Variants in ADARB2 observed in about 807,000 individuals in gnomAD.
ADARB2 encodes the protein adenosine deaminase RNA specific B2 (inactive).
In ADARB2, 25 loss-of-function variants were observed where a neutral mutation model predicts 62.2. The ratio of observed to expected loss-of-function variants is 0.40; its 90% CI spans 0.29 to 0.56. The LOEUF is 0.56. Ranked by LOEUF, ADARB2 falls within the 20% of genes least tolerant of loss-of-function variation. The pLI is 0.43. For synonymous variants in ADARB2, 572 were observed against 500.8 expected (o/e 1.14, Z -1.90); for missense variants, 1,071 against 1,077.4 (o/e 0.99, Z 0.08).
At chr10:1,543,225 C>A (rs898710539) in intron 1 of ADARB2, among the ~76,000 whole-genome samples, 31 of 152,196 alleles carry the variant, frequency 2.0e-4, no homozygotes, top group Admixed American at 6.5e-5. Context: ...GCGTCCTGCC[C>A]GCCCTCCTCT....
chr10:1,601,887 G>A (rs76560162), intron 1 of ADARB2, among the ~76,000 whole-genome samples: 2,155 of 152,300 alleles, frequency 0.014, 92 homozygotes, highest in East Asian at 0.12. Context: ...AAAAGCAAAA[G>A]CATTGAATGT....
intron 1 of ADARB2, among the ~76,000 whole-genome samples, chr10:1,733,644 A>C (rs1037614241): frequency 6.6e-6 from 1 of 152,010 alleles, no homozygotes; most frequent in African/African-American, 2.4e-5. Flanking sequence ...AACAAAAAAA[A>C]CCCTTTTTCT....
chr10:1,283,401 A>C (rs1018490726), intron 3 of ADARB2, among the ~76,000 whole-genome samples: 1 of 152,198 alleles, frequency 6.6e-6, no homozygotes, highest in African/African-American at 2.4e-5. Context: ...AATGATCTCT[A>C]TATTTGTTAA....
intron 1 of ADARB2, among the ~76,000 whole-genome samples, chr10:1,475,965 T>G (rs141841976): frequency 6.6e-6 from 1 of 152,326 alleles, no homozygotes; most frequent in Non-Finnish European, 1.5e-5. Flanking sequence ...GTCTTTTGTC[T>G]TGGAGACAGT....
intron 3 of ADARB2, among the ~76,000 whole-genome samples, chr10:1,306,378 A>G (rs543081752): frequency 2.9e-4 from 44 of 151,842 alleles, no homozygotes; most frequent in African/African-American, 1.1e-3. Context: ...CTTCAAGGAG[A>G]ACTACAAACC....
chr10:1,658,638 C>A (rs377172265), intron 1 of ADARB2, among the ~76,000 whole-genome samples: 14 of 152,226 alleles, frequency 9.2e-5, no homozygotes, highest in Non-Finnish European at 1.9e-4. Context: ...ACAGGACAAG[C>A]CTCTGTCACG....
At chr10:1,672,729 C>T (rs202115915) in intron 1 of ADARB2, among the ~76,000 whole-genome samples, 1 of 85,342 alleles carries the variant, frequency 1.2e-5, no homozygotes, top group African/African-American at 3.1e-5. Flanking sequence ...CTCCACGCAC[C>T]GCAAGGCTCC....
chr10:1,301,211 C>T lies in ADARB2; in HGVS notation c.1078-30142G>A, dbSNP rs562503976. ...GGTCCACACGGTTATGGACTCTGTG[C>T]GTGCTAATTTTAAAGATAACAAGAT... On this transcript the variant is annotated intron_variant, in intron 3 of 9. Coordinates refer to ENST00000381312, the MANE Select transcript of ADARB2 (RefSeq NM_018702.4). Among the ~76,000 whole-genome samples, 11 of 152,278 alleles carry T rather than the reference C, an allele frequency of 7.2e-5. No homozygotes were observed. In the East Asian group the frequency reaches 1.5e-3, roughly 21 times the overall value.
At position 1,229,838 on chromosome 10, in the gene ADARB2, G is replaced by T. The variant is rs1258696737; in HGVS notation, c.1513+3856C>A. On this transcript the variant is annotated intron_variant, in intron 6 of 9. Transcript: ENST00000381312. The stretch of plus-strand genomic sequence containing the variant: ...TACTTATGTATGTTTTTGTGCACAT[G>T]TGCTTACGTGTGTGTGTGTGTGTGT... Among the ~76,000 whole-genome samples the T allele has an allele frequency of 4.3e-5, 6 of 138,858 alleles. No individual in the cohort carries two copies. The East Asian group carries it at 1.2e-3, about 29-fold the overall frequency. The allele number at this position is 138,858 out of a possible 152,430, so 91.1% of individuals were successfully genotyped here.
chr10:1,428,434 C>T (rs1445340481), intron 1 of ADARB2, among the ~76,000 whole-genome samples: 2 of 151,870 alleles, frequency 1.3e-5, no homozygotes, highest in Non-Finnish European at 2.9e-5. Context: ...CTACAGGCAC[C>T]CATCACCACG....
intron 1 of ADARB2, among the ~76,000 whole-genome samples, chr10:1,446,745 C>T (rs1192055810): frequency 6.6e-6 from 1 of 152,178 alleles, no homozygotes; most frequent in East Asian, 1.9e-4. Context: ...TTAAAACGTT[C>T]TTGTATGCAA....
intron 3 of ADARB2, among the ~76,000 whole-genome samples, chr10:1,289,106 CCAGAGA>C (rs1831440532): frequency 6.6e-6 from 1 of 152,164 alleles, no homozygotes; most frequent in African/African-American, 2.4e-5. Context: ...AGCCTGCTAC[CCAGAGA>C]TCTGCATGGT....
intron 1 of ADARB2, among the ~76,000 whole-genome samples, chr10:1,453,743 C>G (rs560709609): frequency 2.0e-5 from 3 of 152,056 alleles, no homozygotes; most frequent in African/African-American, 7.2e-5. Flanking sequence ...AGTACGCACA[C>G]GGAAAGAAGC....
chr10:1,277,950 T>TTCCC (rs1491354040), intron 3 of ADARB2, among the ~76,000 whole-genome samples: 3 of 149,924 alleles, frequency 2.0e-5, no homozygotes, highest in Non-Finnish European at 4.5e-5. Context: ...CCTTCCTTCC[T>TTCCC]TCCCCTCTTT....
At chr10:1,266,344 T>G (rs1270860928) in intron 4 of ADARB2, among the ~76,000 whole-genome samples, 6 of 152,170 alleles carry the variant, frequency 3.9e-5, no homozygotes, top group African/African-American at 1.4e-4. Context: ...TTTAAGTAAA[T>G]GGCTGTGGTA....
intron 1 of ADARB2, among the ~76,000 whole-genome samples, chr10:1,725,090 G>T (rs569444342): frequency 6.6e-6 from 1 of 152,196 alleles, no homozygotes; most frequent in Admixed American, 6.5e-5. Context: ...CTGACTGAGC[G>T]CATGGACCCT....
In ADARB2 at chr10:1,737,453, C is replaced by A; in HGVS notation, c.-303G>T. On this transcript the variant is annotated 5_prime_UTR_variant, in exon 1 of 10. In the 5' UTR this introduces an upstream ATG that the reference lacks. Coordinates refer to ENST00000381312, the MANE Select transcript of ADARB2 (RefSeq NM_018702.4). ...GCTCCGAGCTTCCCGCGGGCTCTGC[C>A]TCCTGCTCTGGGCTCCCAGCGCAGG... 2.5e-6 allele frequency: 1 copy of A among 403,114 alleles called. No individual in the cohort carries two copies. Among genetic ancestry groups the A allele is most frequent in the Non-Finnish European group, 4.5e-6 (1 of 220,412 alleles). The allele number at this position is 403,114 out of a possible 1,614,324, so 25.0% of individuals were successfully genotyped here.
intron 1 of ADARB2, among the ~76,000 whole-genome samples, chr10:1,385,156 C>T (rs1832515195): frequency 1.3e-5 from 2 of 151,998 alleles, no homozygotes; most frequent in South Asian, 4.2e-4. Flanking sequence ...AATCTACCTG[C>T]TAGAAGAAAA....
In ADARB2 at chr10:1,363,001, TC is replaced by T. The variant is rs756922089; in HGVS notation, c.1077+26del. ...CCCCCGCGCCCCCAGCGCCGCCCGT[TC>T]CCCCTGCACCCGCCGCGCCCCTCAC... On this transcript the variant is annotated intron_variant, in intron 3 of 9. Coordinates refer to ENST00000381312, the MANE Select transcript of ADARB2 (RefSeq NM_018702.4). The T allele has an allele frequency of 2.9e-5, 38 of 1,305,096 alleles. No individual in the cohort carries two copies. The East Asian group carries it at 1.0e-3, about 35-fold the overall frequency. The allele number at this position is 1,305,096 out of a possible 1,614,324, so 80.8% of individuals were successfully genotyped here. A position where few individuals can be genotyped will look rare whatever the true frequency, so the allele number is the denominator to read the frequency against.
Sources: allele counts gnomAD v4.1 joint callset (sites outside exome capture counted in the v4.1 genomes callset), GRCh38; gene constraint gnomAD v4.1.1; transcripts MANE v1.5; gene names NCBI Gene and HGNC (gene_info 2026-07-23, HGNC 2026-07-21).